NFASC: variants seen among roughly 807,000 people sequenced by gnomAD.
NFASC encodes neurofascin.
A neutral mutation model predicts 147.5 loss-of-function variants in NFASC; 43 were observed. The observed-to-expected ratio is 0.29, with a 90% confidence interval of 0.23 to 0.38. The LOEUF is 0.38. NFASC is among the 10% of genes least tolerant of loss of function. The pLI, the probability that NFASC is intolerant of heterozygous loss-of-function variation, is 1.00. For missense variants in NFASC, 1,320 were observed against 1,689.0 expected, an observed-to-expected ratio of 0.78 and a Z score of 3.83; for synonymous variants, 622 against 665.5, an observed-to-expected ratio of 0.93 and a Z score of 1.01.
chr1:204,968,437 A>C lies in NFASC; in HGVS notation c.818+77A>C. ...TGGGAGCTTGTTCATGCTCTTGTTA[A>C]TGCCACATTTAGTGCATACCAGTAG... On this transcript the variant is annotated intron_variant, in intron 9 of 29. Transcript: ENST00000339876. This position sits in a 1 kb window ranked among gnomAD's most constrained non-coding sequence, Gnocchi z 5.4. 9.1e-7 allele frequency: 1 copy of C among 1,103,336 alleles called. No individual in the cohort carries two copies. The highest frequency in any genetic ancestry group is 1.4e-6 in the Non-Finnish European group (1 of 724,522). 68.3% of individuals were successfully genotyped at this position (1,103,336 alleles called of 1,614,324 possible). A position where few individuals can be genotyped will look rare whatever the true frequency, so the allele number is the denominator to read the frequency against.
At chr1:204,839,297 G>T (rs897940433) in intron 1 of NFASC, among the ~76,000 whole-genome samples, 1 of 151,642 alleles carries the variant, frequency 6.6e-6, no homozygotes, top group Non-Finnish European at 1.5e-5. Flanking sequence ...CAGTACTGCG[G>T]GCATTGACAA....
At chr1:204,883,161 C>T (rs12028682) in intron 1 of NFASC, among the ~76,000 whole-genome samples, 10,630 of 152,138 alleles carry the variant, frequency 0.07, 1,053 homozygotes, top group African/African-American at 0.21. Flanking sequence ...CTGGATGACT[C>T]GCACTGGGAG....
intron 1 of NFASC, among the ~76,000 whole-genome samples, chr1:204,902,703 G>T (rs970756301): frequency 1.3e-5 from 2 of 152,158 alleles, no homozygotes; most frequent in Non-Finnish European, 2.9e-5. Flanking sequence ...GAGTCGTTAT[G>T]CTTTTTCTAC....
At chr1:204,914,644 C>T (rs749632933) in intron 1 of NFASC, among the ~76,000 whole-genome samples, 54 of 152,158 alleles carry the variant, frequency 3.5e-4, no homozygotes, top group Admixed American at 7.9e-4. Context: ...AAGGAGATGC[C>T]AATTTCTGTG....
At chr1:204,999,036 C>G (rs1464882132) in intron 25 of NFASC, 1 of 152,222 alleles carries the variant, frequency 6.6e-6, no homozygotes, top group African/African-American at 2.4e-5. Flanking sequence ...CTTTATCGTG[C>G]CTTACATCTT....
chr1:204,879,502 G>A (rs1381505888), intron 1 of NFASC, among the ~76,000 whole-genome samples: 1 of 152,156 alleles, frequency 6.6e-6, no homozygotes, highest in Non-Finnish European at 1.5e-5. Flanking sequence ...AGGACAGGGA[G>A]GACCAAGGGG....
At chr1:204,944,074 T>A (rs1207742905) in intron 2 of NFASC, among the ~76,000 whole-genome samples, 152 bp from the exon 3 acceptor site, 2 of 152,324 alleles carry the variant, frequency 1.3e-5, no homozygotes, top group East Asian at 3.9e-4. Flanking sequence ...CAGTCCCACG[T>A]GTCAGTAGTG....
At chr1:204,971,759 G>T (rs895630394) in intron 11 of NFASC, among the ~76,000 whole-genome samples, 2 of 152,176 alleles carry the variant, frequency 1.3e-5, no homozygotes, top group Admixed American at 6.5e-5. Context: ...GCACCAGCTA[G>T]TACTGAACCT....
chr1:204,906,547 T>C (rs2085929583), intron 1 of NFASC, among the ~76,000 whole-genome samples: 1 of 152,250 alleles, frequency 6.6e-6, no homozygotes, highest in Non-Finnish European at 1.5e-5. Flanking sequence ...TTTATATTGC[T>C]GTATAGTATT....
intron 27 of NFASC, among the ~76,000 whole-genome samples, chr1:205,005,481 G>T (rs942815096): frequency 1.3e-5 from 2 of 152,158 alleles, no homozygotes; most frequent in Admixed American, 1.3e-4. Flanking sequence ...ATGCTGTTCT[G>T]GCTCCCGTCA....
intron 2 of NFASC, among the ~76,000 whole-genome samples, chr1:204,925,626 A>C (rs1296017523): frequency 6.6e-6 from 1 of 152,214 alleles, no homozygotes; most frequent in Non-Finnish European, 1.5e-5. Context: ...AAGAGACTGA[A>C]AGTCATCTCT....
intron 1 of NFASC, among the ~76,000 whole-genome samples, chr1:204,903,996 TG>T (rs2085221393): frequency 2.0e-5 from 3 of 152,082 alleles, no homozygotes; most frequent in South Asian, 2.1e-4. Context: ...AACACCAACC[TG>T]GGTTTGATTT....
intron 1 of NFASC, among the ~76,000 whole-genome samples, chr1:204,915,930 A>G (rs1275837715): frequency 6.6e-6 from 1 of 152,220 alleles, no homozygotes; most frequent in Non-Finnish European, 1.5e-5. Flanking sequence ...TCATTAAGAT[A>G]TGAATGCTGA....
intron 8 of NFASC, among the ~76,000 whole-genome samples, chr1:204,965,301 T>G (rs1418078125): frequency 1.3e-5 from 2 of 152,124 alleles, no homozygotes; most frequent in Admixed American, 6.5e-5. Flanking sequence ...TGTCTTAGAG[T>G]CTTCCTGTCT....
At position 204,902,681 on chromosome 1, in the gene NFASC, G is replaced by A. The variant is rs146608333; in HGVS notation, c.-199-17951G>A. Among the ~76,000 whole-genome samples, 143 of 152,266 alleles carry A rather than the reference G, an allele frequency of 9.4e-4. 1 individual carries two copies. The highest frequency in any genetic ancestry group is 3.3e-3 in the African/African-American group (139 of 41,556). On this transcript the variant is annotated intron_variant, in intron 1 of 29. Transcript: ENST00000339876. ...TTTGGGTCAATAATTGTTGAAGTTGGCTGATGTGCAAGAGTCGTTATGCTT... is the reference window on the plus strand; with the variant it reads ...TTTGGGTCAATAATTGTTGAAGTTGACTGATGTGCAAGAGTCGTTATGCTT...
intron 8 of NFASC, among the ~76,000 whole-genome samples, chr1:204,966,596 A>G (rs2094961863): frequency 6.6e-6 from 1 of 152,362 alleles, no homozygotes; most frequent in South Asian, 2.1e-4. Context: ...AGTTATAGAC[A>G]TAGATGATAA....
intron 21 of NFASC, chr1:204,983,990 G>A: frequency 6.9e-7 from 1 of 1,456,082 alleles, no homozygotes; most frequent in Non-Finnish European, 9.6e-7. Context: ...GTAGAGTCCT[G>A]CCTGCATAAC....
chr1:204,968,761 T>C lies in NFASC; in HGVS notation c.819-37T>C. ...TATAGAAGAGGAGAAAGGCCACGTT[T>C]AGTGATAACTTGTTTCCTGCTTGGC... On this transcript the variant is annotated intron_variant, in intron 9 of 29. Coordinates refer to ENST00000339876, the MANE Select transcript of NFASC (RefSeq NM_001005388.3). The surrounding 1 kb of genome is among the most constrained non-coding windows in gnomAD (Gnocchi z 5.4). The C allele has an allele frequency of 6.3e-7, 1 of 1,590,840 alleles. No homozygotes were observed. Among genetic ancestry groups the C allele is most frequent in the South Asian group, 1.1e-5 (1 of 87,814 alleles).
At chr1:204,921,061 C>T (rs180714603) in intron 2 of NFASC, among the ~76,000 whole-genome samples, 5 of 152,328 alleles carry the variant, frequency 3.3e-5, no homozygotes, top group Admixed American at 3.3e-4. Context: ...GTGACCCACA[C>T]CCTACTTAGT....
Sources: allele counts gnomAD v4.1 joint callset (sites outside exome capture counted in the v4.1 genomes callset), GRCh38; gene constraint gnomAD v4.1.1; non-coding constraint Gnocchi (gnomAD v3.1); transcripts MANE v1.5; gene names NCBI Gene and HGNC (gene_info 2026-07-23, HGNC 2026-07-21).